The following DNAH5 variants were observed in gnomAD, a reference collection of about 807,000 sequenced individuals.
DNAH5 encodes the protein axonemal beta dynein heavy chain 5.
A neutral mutation model predicts 518.2 loss-of-function variants in DNAH5; 372 were observed. The ratio of observed to expected loss-of-function variants is 0.72; its 90% CI spans 0.66 to 0.78. The LOEUF is 0.78. Ranked by LOEUF, DNAH5 falls within the 30% of genes least tolerant of loss-of-function variation. The pLI is 0.00. For missense variants in DNAH5, 5,523 were observed against 5,687.0 expected, an observed-to-expected ratio of 0.97 and a Z score of 0.93; for synonymous variants, 2,039 against 2,025.9, an observed-to-expected ratio of 1.01 and a Z score of -0.17.
chr5:13,971,105 TCTAA>T (rs1158192424), intron 1 of DNAH5, among the ~76,000 whole-genome samples: 1 of 152,334 alleles, frequency 6.6e-6, no homozygotes, highest in South Asian at 2.1e-4. Flanking sequence ...TTTGCATTCC[TCTAA>T]CTGTGTCCTT....
chr5:13,695,348 G>A (rs1741229056), intron 78 of DNAH5, among the ~76,000 whole-genome samples: 1 of 152,172 alleles, frequency 6.6e-6, no homozygotes, highest in Non-Finnish European at 1.5e-5. Context: ...ACCATCCGCA[G>A]AGGGCTCTCC....
chr5:13,871,412 A>T, intron 23 of DNAH5, 152 bp downstream of exon 23: 1 of 691,442 alleles, frequency 1.4e-6, no homozygotes. Flanking sequence ...TGCAGAAGAA[A>T]ATTTTTTAAA....
chr5:13,986,945 T>C (rs924070223), intron 1 of DNAH5, among the ~76,000 whole-genome samples: 2 of 152,332 alleles, frequency 1.3e-5, no homozygotes, highest in East Asian at 3.9e-4. Context: ...ACACTTGGGA[T>C]CTGCTTGTCA....
intron 35 of DNAH5, among the ~76,000 whole-genome samples, chr5:13,832,783 T>A (rs1030464056): frequency 6.6e-6 from 1 of 152,226 alleles, no homozygotes; most frequent in African/African-American, 2.4e-5. Flanking sequence ...TGGTCCCTCC[T>A]GTCCCAACAG....
intron 46 of DNAH5, among the ~76,000 whole-genome samples, chr5:13,808,074 A>G (rs1759929532): frequency 6.6e-6 from 1 of 151,838 alleles, no homozygotes; most frequent in African/African-American, 2.4e-5. Context: ...TACTAAAAAT[A>G]CAAAAATTAG....
intron 2 of DNAH5, among the ~76,000 whole-genome samples, chr5:13,930,070 AGAG>A (rs1329506248): frequency 6.6e-6 from 1 of 152,200 alleles, no homozygotes; most frequent in African/African-American, 2.4e-5. Context: ...AGAAGGAGAA[AGAG>A]GAGAAGCACA....
At chr5:13,994,129 C>T (rs1322281543) in intron 1 of DNAH5, among the ~76,000 whole-genome samples, 3 of 152,198 alleles carry the variant, frequency 2.0e-5, no homozygotes, top group Non-Finnish European at 4.4e-5. Flanking sequence ...CTTCCCACTG[C>T]ACTTCCTCCC....
intron 55 of DNAH5, among the ~76,000 whole-genome samples, chr5:13,774,990 T>C (rs1049315700): frequency 1.3e-5 from 2 of 152,184 alleles, no homozygotes; most frequent in South Asian, 2.1e-4. Flanking sequence ...AACTTTAACA[T>C]AGCTCTGAAA....
At chr5:13,791,391 T>C (rs1485585767) in intron 50 of DNAH5, among the ~76,000 whole-genome samples, 3 of 152,198 alleles carry the variant, frequency 2.0e-5, no homozygotes, top group African/African-American at 7.2e-5. Context: ...TTGAGGGAAA[T>C]TCTTATAACA....
intron 38 of DNAH5, among the ~76,000 whole-genome samples, chr5:13,825,821 G>GTTTAT (rs1762817466): frequency 6.6e-6 from 1 of 152,030 alleles, no homozygotes; most frequent in South Asian, 2.1e-4. Context: ...TTATTGAATT[G>GTTTAT]TACACTAAAA....
At chr5:13,826,628 T>C (rs761526677) in intron 38 of DNAH5, among the ~76,000 whole-genome samples, 1 of 152,240 alleles carries the variant, frequency 6.6e-6, no homozygotes, top group Non-Finnish European at 1.5e-5. Flanking sequence ...GTAAGCTTCC[T>C]GAGGCCTTCT....
chr5:13,810,170 C>G lies in DNAH5; in HGVS notation c.7498G>C (p.Gly2500Arg). Residue 2500 changes from glycine (G) to arginine (R), a missense_variant, in exon 45 of 79, where the codon GGA becomes CGA. Around this residue, in one of 3 missense-constraint regions of DNAH5, gnomAD observed 5,121 missense variants for 5,223.3 expected, o/e 0.98. Transcript: ENST00000265104. ...WSAGAALELDGRRRLELWLRS... is the reference protein window; with the variant it reads ...WSAGAALELDRRRRLELWLRS... ...AGCCAGAGCTCCAGGCGGCGCCGTC[C>G]GTCCAGCTCCAGCGCCGCCCCCGCG... The G allele has an allele frequency of 2.6e-6, 4 of 1,548,378 alleles. No individual in the cohort carries two copies. Among genetic ancestry groups the G allele is most frequent in the Non-Finnish European group, 3.5e-6 (4 of 1,145,562 alleles).
intron 21 of DNAH5, among the ~76,000 whole-genome samples, chr5:13,882,390 G>T (rs2151937608): frequency 6.6e-6 from 1 of 151,080 alleles, no homozygotes; most frequent in East Asian, 1.9e-4. Flanking sequence ...AATATCACTG[G>T]TGGACATAAA....
At chr5:13,775,483 A>C (rs1753953539) in intron 55 of DNAH5, among the ~76,000 whole-genome samples, 1 of 152,102 alleles carries the variant, frequency 6.6e-6, no homozygotes, top group African/African-American at 2.4e-5. Context: ...GATAATTAAT[A>C]GATATTTAGA....
At chr5:13,922,727 C>CAAAA in intron 4 of DNAH5, among the ~76,000 whole-genome samples, 1 of 94,452 alleles carries the variant, frequency 1.1e-5, no homozygotes. Context: ...GACCCTGTCT[C>CAAAA]AAAAAAAAAA....
Position 13,830,649 on chromosome 5 carries a change from A to T in DNAH5, c.6009T>A (p.Val2003=). Residue 2003 remains valine (V), a synonymous_variant, in exon 36 of 79, where the codon GTT becomes GTA. Coordinates refer to ENST00000265104, the MANE Select transcript of DNAH5 (RefSeq NM_001369.3). ...AATCCATCTGGTCTGAACAATTGAA[A>T]ACCACGACGTATTTCCCGAGGCATC... ...MGRCLGKYVV[V]FNCSDQMDFR... 6.2e-7 allele frequency: 1 copy of T among 1,614,220 alleles called. No individual in the cohort carries two copies. The highest frequency in any genetic ancestry group is 8.5e-7 in the Non-Finnish European group (1 of 1,180,030).
rs1324131566 is a variant in DNAH5, at chr5:13,885,236, A to G, written c.2744-8T>C. 5.0e-6 allele frequency: 8 copies of G among 1,613,860 alleles called. No individual in the cohort carries two copies. The highest frequency in any genetic ancestry group is 6.8e-6 in the Non-Finnish European group (8 of 1,179,916). ...TTCCTTCTTCTCTTTTTGCTGTTAC[A>G]AGATGAAAGAGATAGAGATAGAGAT... is the stretch of plus-strand genomic sequence containing the variant. On this transcript the variant is annotated splice_polypyrimidine_tract_variant and splice_region_variant and intron_variant, in intron 18 of 78. Coordinates refer to ENST00000265104, the MANE Select transcript of DNAH5 (RefSeq NM_001369.3).
chr5:13,974,118 T>C (rs1782063092), intron 1 of DNAH5, among the ~76,000 whole-genome samples: 1 of 151,980 alleles, frequency 6.6e-6, no homozygotes, highest in South Asian at 2.1e-4. Context: ...TTTTCTTTAT[T>C]TTAATTAGTT....
intron 10 of DNAH5, 120 bp from the exon 11 acceptor site, chr5:13,914,078 C>T: frequency 7.9e-7 from 1 of 1,261,866 alleles, no homozygotes; most frequent in Admixed American, 2.3e-5. Context: ...AGTTTCATGC[C>T]TTTGCTTGTA....
Sources: allele counts gnomAD v4.1 joint callset (sites outside exome capture counted in the v4.1 genomes callset), GRCh38; gene constraint gnomAD v4.1.1; regional missense constraint gnomAD v4.1.1; transcripts MANE v1.5; gene names NCBI Gene and HGNC (gene_info 2026-07-23, HGNC 2026-07-21).